The following BPTF variants were observed in gnomAD, a reference collection of about 807,000 sequenced individuals.
BPTF encodes bromodomain PHD finger transcription factor, also known as nucleosome-remodeling factor subunit BPTF.
Under a neutral mutation model 292.5 loss-of-function variants are expected in BPTF, and 18 were observed. That is an observed-to-expected ratio of 0.06 (90% CI 0.04 to 0.09). The LOEUF is 0.09. Ranked by LOEUF, BPTF falls within the 10% of genes least tolerant of loss-of-function variation. The pLI, the probability that BPTF is intolerant of heterozygous loss-of-function variation, is 1.00. For missense variants in BPTF, 2,726 were observed against 3,498.7 expected, an observed-to-expected ratio of 0.78 and a Z score of 5.57; for synonymous variants, 1,225 against 1,251.9, an observed-to-expected ratio of 0.98 and a Z score of 0.45.
chr17:67,964,172 C>T (rs1555685476), intron 24 of BPTF, 40 bp from the exon 25 acceptor site: 3 of 1,576,306 alleles, frequency 1.9e-6, no homozygotes, highest in East Asian at 2.3e-5. Context: ...AACATCATCC[C>T]ATGTGTTTTG....
intron 15 of BPTF, among the ~76,000 whole-genome samples, chr17:67,925,447 T>G (rs1413980539): frequency 1.3e-5 from 2 of 152,152 alleles, no homozygotes; most frequent in Middle Eastern, 3.2e-3. Flanking sequence ...GAGGATCCCT[T>G]GAGTCCAGGG....
chr17:67,909,642 C>A lies in BPTF; in HGVS notation c.2873C>A (p.Pro958Gln). The change falls in exon 10 of 28, where the codon CCA (proline) becomes CAA (glutamine). Residue 958 changes from proline to glutamine, a missense_variant. Pro to Gln is a moderately conservative substitution (Grantham distance 76, BLOSUM62 -1). Around this residue, in one of 22 missense-constraint regions of BPTF, gnomAD observed 713 missense variants for 714.9 expected, o/e 1.00. Transcript: ENST00000306378. ...ESDKRKCSRS[P>Q]KKIKIEPDSE... ...GATAAAAGAAAATGTTCACGAAGTC[C>A]AAAAAAAATAAAAATAGAGCCTGAT... 6.3e-7 allele frequency: 1 copy of A among 1,585,940 alleles called. No individual in the cohort carries two copies. Among genetic ancestry groups the A allele is most frequent in the Non-Finnish European group, 8.6e-7 (1 of 1,168,172 alleles).
chr17:67,971,228 G>A (rs1243626007), intron 26 of BPTF, among the ~76,000 whole-genome samples: 4 of 152,042 alleles, frequency 2.6e-5, no homozygotes, highest in Non-Finnish European at 5.9e-5. Context: ...ACAGGCATGC[G>A]CCACCACACC....
intron 3 of BPTF, among the ~76,000 whole-genome samples, chr17:67,871,756 T>C (rs1171373452): frequency 6.6e-6 from 1 of 152,198 alleles, no homozygotes; most frequent in Non-Finnish European, 1.5e-5. Flanking sequence ...TGTAATTTTC[T>C]TTCATCCTTT....
intron 1 of BPTF, among the ~76,000 whole-genome samples, chr17:67,830,205 A>T (rs1160517773): frequency 6.6e-6 from 1 of 152,268 alleles, no homozygotes; most frequent in African/African-American, 2.4e-5. Context: ...TTAAGAAATT[A>T]TATTTAAAAC....
In BPTF at chr17:67,976,714, A is replaced by AAAAAAAG. The variant is rs1555694156; in HGVS notation, c.8726+757_8726+758insAAAAAGA. On this transcript the variant is annotated intron_variant, in intron 27 of 27. Coordinates refer to ENST00000306378, the MANE Select transcript of BPTF (RefSeq NM_182641.4). ...AAAAAAAAAAAAAAAAAAAAAAAAAAATAAGAATAAAAGAAGAATTTCCTG... is the reference window on the plus strand; with the variant it reads ...AAAAAAAAAAAAAAAAAAAAAAAAAAAAAAAAGATAAGAATAAAAGAAGAATTTCCTG... Among the ~76,000 whole-genome samples the AAAAAAAG allele has an allele frequency of 4.1e-4, 48 of 116,570 alleles. 1 individual carries two copies. Among genetic ancestry groups the AAAAAAAG allele is most frequent in the African/African-American group, 1.6e-3 (45 of 28,142 alleles). 76.5% of individuals were successfully genotyped at this position (116,570 alleles called of 152,430 possible).
rs1409478181 is a variant in BPTF at position 67,854,928 on chromosome 17, C to CT, written c.1436+170dup. Reference sequence around the variant, plus strand: ...TGAAGGAATATGTGCATTAAAATAGCTTTTAAGAAGGTAAAGGAAACATAT... The same window carrying CT: ...TGAAGGAATATGTGCATTAAAATAGCTTTTTAAGAAGGTAAAGGAAACATAT... On this transcript the variant is annotated intron_variant, in intron 2 of 27. Transcript: ENST00000306378. The surrounding 1 kb of genome is among the most constrained non-coding windows in gnomAD (Gnocchi z 5.6). Among the ~76,000 whole-genome samples the CT allele has an allele frequency of 1.3e-5, 2 of 152,130 alleles. No individual in the cohort carries two copies. The highest frequency in any genetic ancestry group is 2.9e-5 in the Non-Finnish European group (2 of 68,022).
intron 27 of BPTF, among the ~76,000 whole-genome samples, chr17:67,976,949 A>G (rs1333705352): frequency 6.6e-6 from 1 of 152,152 alleles, no homozygotes; most frequent in Non-Finnish European, 1.5e-5. Context: ...ACTCACCCCT[A>G]CATACATCGC....
At chr17:67,878,211 G>T (rs902477418) in intron 4 of BPTF, among the ~76,000 whole-genome samples, 6 of 152,204 alleles carry the variant, frequency 3.9e-5, no homozygotes, top group African/African-American at 1.4e-4. Context: ...GAGCCATCCA[G>T]ATGTTGCTAG....
At chr17:67,899,538 T>TC (rs1036270652) in intron 7 of BPTF, among the ~76,000 whole-genome samples, 3 of 151,426 alleles carry the variant, frequency 2.0e-5, no homozygotes, top group African/African-American at 7.3e-5. Flanking sequence ...TTTTTCTTTT[T>TC]TTTTTTTTTT....
intron 23 of BPTF, among the ~76,000 whole-genome samples, chr17:67,950,711 G>C (rs1451132613): frequency 1.3e-5 from 2 of 151,524 alleles, no homozygotes; most frequent in African/African-American, 4.9e-5. Context: ...ATGGTGGTGG[G>C]TGCCTGTAGT....
At chr17:67,880,958 T>TATAC (rs961796060) in intron 4 of BPTF, among the ~76,000 whole-genome samples, 5 of 148,920 alleles carry the variant, frequency 3.4e-5, no homozygotes, top group African/African-American at 5.0e-5. Flanking sequence ...TATATATATA[T>TATAC]ACACACACAC....
intron 4 of BPTF, among the ~76,000 whole-genome samples, chr17:67,880,789 CT>C (rs796685157): frequency 8.7e-5 from 13 of 150,062 alleles, no homozygotes; most frequent in South Asian, 2.1e-4. Context: ...GGCTAATTAT[CT>C]TTTTTTTTTC....
chr17:67,844,494 G>A (rs952089687), intron 1 of BPTF, among the ~76,000 whole-genome samples: 5 of 151,224 alleles, frequency 3.3e-5, no homozygotes, highest in Admixed American at 1.3e-4. Context: ...TGATCCGCCC[G>A]CCTTGGCCTC....
chr17:67,877,935 C>T (rs538650751), intron 4 of BPTF, among the ~76,000 whole-genome samples: 1 of 152,184 alleles, frequency 6.6e-6, no homozygotes, highest in South Asian at 2.1e-4. Flanking sequence ...CACCCAGCAA[C>T]TTTAAAAAAT....
chr17:67,854,607 C>G lies in BPTF; in HGVS notation c.1281C>G (p.Asp427Glu), dbSNP rs372829722. Residue 427 changes from aspartate to glutamate, a missense_variant, in exon 2 of 28, where the codon GAC becomes GAG. Physicochemically the swap from Asp to Glu is conservative, Grantham distance 45. Coordinates refer to ENST00000306378, the MANE Select transcript of BPTF (RefSeq NM_182641.4). The surrounding 1 kb of genome is among the most constrained non-coding windows in gnomAD (Gnocchi z 5.6). ...VKPPLEEVPEDEWQCEVCVAH... is the reference protein window; with the variant it reads ...VKPPLEEVPEEEWQCEVCVAH... Reference sequence around the variant, plus strand: ...CACCTCTTGAGGAGGTGCCAGAGGACGAGTGGCAGTGTGAAGTCTGTGTAG... The same window carrying G: ...CACCTCTTGAGGAGGTGCCAGAGGAGGAGTGGCAGTGTGAAGTCTGTGTAG... The G allele has an allele frequency of 1.2e-5, 20 of 1,614,010 alleles. No individual in the cohort carries two copies. The highest frequency in any genetic ancestry group is 8.5e-7 in the Non-Finnish European group (1 of 1,180,042).
At chr17:67,923,909 G>A (rs1488491756) in intron 14 of BPTF, among the ~76,000 whole-genome samples, 3 of 150,854 alleles carry the variant, frequency 2.0e-5, no homozygotes, top group East Asian at 2.0e-4. Context: ...GTGCAGTGGC[G>A]CGATCTTGGC....
intron 7 of BPTF, among the ~76,000 whole-genome samples, chr17:67,901,262 T>C (rs1340452167): frequency 1.3e-5 from 2 of 151,144 alleles, no homozygotes; most frequent in African/African-American, 4.9e-5. Context: ...ATCACTTAGA[T>C]CTCTGCCTTA....
intron 2 of BPTF, among the ~76,000 whole-genome samples, chr17:67,856,187 T>A (rs1320434719): frequency 6.6e-6 from 1 of 152,208 alleles, no homozygotes; most frequent in East Asian, 1.9e-4. Flanking sequence ...CTCTTTGGGG[T>A]ATTTGTATGT....
Sources: gnomAD v4.1 joint callset for allele counts (sites outside exome capture counted in the v4.1 genomes callset) on GRCh38, gnomAD v4.1.1 for gene constraint, gnomAD v4.1.1 regional missense constraint, Gnocchi (gnomAD v3.1) non-coding constraint, MANE v1.5 for transcripts, NCBI Gene and HGNC (gene_info 2026-07-23, HGNC 2026-07-21) for gene names.